Variants in KCNN3 observed in about 807,000 individuals in gnomAD.
KCNN3 encodes small conductance calcium-activated potassium channel protein 3.
KCNN3 carries 16 observed loss-of-function variants against 62.9 expected under a neutral mutation model. The observed-to-expected ratio is 0.25, with a 90% confidence interval of 0.17 to 0.39. KCNN3 has a LOEUF of 0.39. Among genes scored for constraint, KCNN3 ranks in the 10% least tolerant of loss-of-function variants. KCNN3 has a pLI of 1.00. For synonymous variants in KCNN3, 370 were observed against 389.2 expected, an observed-to-expected ratio of 0.95 and a Z score of 0.58; for missense variants, 599 against 949.4, an observed-to-expected ratio of 0.63 and a Z score of 4.85.
chr1:154,771,805 C>A, intron 3 of KCNN3, 170 bp downstream of exon 3: 1 of 728,216 alleles, frequency 1.4e-6, no homozygotes, highest in Non-Finnish European at 2.4e-6. Context: ...GCAATTCTAG[C>A]TCATACTGAA....
chr1:154,712,649 A>C (rs1207320150), intron 7 of KCNN3, among the ~76,000 whole-genome samples: 1 of 152,224 alleles, frequency 6.6e-6, no homozygotes, highest in Non-Finnish European at 1.5e-5. Context: ...ATGTTCTGCC[A>C]GCCTGGCCCT....
chr1:154,771,215 G>A (rs1408437426), intron 3 of KCNN3, among the ~76,000 whole-genome samples: 1 of 152,166 alleles, frequency 6.6e-6, no homozygotes, highest in Non-Finnish European at 1.5e-5. Flanking sequence ...GTTGATGGCT[G>A]TTCCAAGGAG....
chr1:154,806,102 A>C (rs1650162444), intron 2 of KCNN3, among the ~76,000 whole-genome samples: 1 of 152,226 alleles, frequency 6.6e-6, no homozygotes, highest in South Asian at 2.1e-4. Context: ...CATGAGAAAC[A>C]ACAGGAAATG....
At chr1:154,841,117 G>T (rs1251068711) in intron 1 of KCNN3, among the ~76,000 whole-genome samples, 1 of 152,214 alleles carries the variant, frequency 6.6e-6, no homozygotes, top group Non-Finnish European at 1.5e-5. Flanking sequence ...GCGCAAGGGA[G>T]GGTCTTTTCC....
intron 5 of KCNN3, among the ~76,000 whole-genome samples, chr1:154,725,092 G>A (rs1167006541): frequency 3.9e-5 from 6 of 152,110 alleles, no homozygotes; most frequent in Non-Finnish European, 7.4e-5. Context: ...TTGACCTCAT[G>A]CTCCGCCCGC....
chr1:154,726,948 A>G (rs894004905), intron 4 of KCNN3, among the ~76,000 whole-genome samples: 1 of 152,172 alleles, frequency 6.6e-6, no homozygotes, highest in Non-Finnish European at 1.5e-5. Context: ...TGCATACTTG[A>G]CTGTCTGGGA....
At position 154,847,204 on chromosome 1, in the gene KCNN3, AC is replaced by A. The variant is rs200709615; in HGVS notation, c.933+21827del. On this transcript the variant is annotated intron_variant, in intron 1 of 7. Transcript: ENST00000271915. Reference sequence around the variant, plus strand: ...CTCATCTCCTGGAACCCTCCTCACTACCCCCCCCTGCCCTCGGGGAGCCTGC... The same window carrying A: ...CTCATCTCCTGGAACCCTCCTCACTACCCCCCCTGCCCTCGGGGAGCCTGC... 7.3e-4 allele frequency among the ~76,000 whole-genome samples: 102 copies of A among 139,558 alleles called. 1 individual carries two copies. In the South Asian group the frequency reaches 7.9e-3, roughly 11 times the overall value. 91.6% of individuals were successfully genotyped at this position (139,558 alleles called of 152,430 possible).
intron 1 of KCNN3, among the ~76,000 whole-genome samples, chr1:154,868,680 G>A (rs938269654): frequency 6.6e-6 from 1 of 152,108 alleles, no homozygotes; most frequent in African/African-American, 2.4e-5. Flanking sequence ...AGGAGGAAAA[G>A]CGATTTCTCA....
chr1:154,744,775 T>C (rs1396344510), intron 3 of KCNN3, among the ~76,000 whole-genome samples: 1 of 152,176 alleles, frequency 6.6e-6, no homozygotes, highest in Non-Finnish European at 1.5e-5. Flanking sequence ...CTTAAGGGTA[T>C]TATGAGTTCC....
intron 3 of KCNN3, among the ~76,000 whole-genome samples, chr1:154,755,478 A>G (rs1378580383): frequency 1.0e-4 from 14 of 139,860 alleles, no homozygotes. Context: ...AAAGGAAGAA[A>G]GGAAGGAAGA....
intron 2 of KCNN3, among the ~76,000 whole-genome samples, chr1:154,789,937 G>A (rs1383545076): frequency 6.6e-6 from 1 of 151,948 alleles, no homozygotes; most frequent in Non-Finnish European, 1.5e-5. Flanking sequence ...ACAGAGTCTC[G>A]CTCTGTCGCC....
At chr1:154,838,649 T>A in intron 1 of KCNN3, among the ~76,000 whole-genome samples, 1 of 152,178 alleles carries the variant, frequency 6.6e-6, no homozygotes, top group East Asian at 1.9e-4. Context: ...GGCTCCGTTC[T>A]CGCCACTCCC....
At chr1:154,735,611 C>A (rs780963373) in intron 3 of KCNN3, among the ~76,000 whole-genome samples, 10 of 152,142 alleles carry the variant, frequency 6.6e-5, no homozygotes, top group Non-Finnish European at 1.3e-4. Flanking sequence ...AGGCTGGTGG[C>A]TCCCAACTCT....
At chr1:154,711,865 C>T (rs776848526) in intron 7 of KCNN3, among the ~76,000 whole-genome samples, 11 of 151,302 alleles carry the variant, frequency 7.3e-5, no homozygotes, top group South Asian at 2.1e-4. Flanking sequence ...CAGTCTGTCG[C>T]GGGGACAGGA....
intron 3 of KCNN3, among the ~76,000 whole-genome samples, chr1:154,760,138 G>A (rs1025649859): frequency 6.6e-6 from 1 of 151,782 alleles, no homozygotes; most frequent in Non-Finnish European, 1.5e-5. Flanking sequence ...TCAGTCTCCC[G>A]AGTAGCTGGG....
intron 5 of KCNN3, 77 bp downstream of exon 5, chr1:154,725,839 G>T: frequency 9.1e-7 from 1 of 1,092,924 alleles, no homozygotes. Context: ...CACTGCACCC[G>T]TTGGACCATT....
intron 1 of KCNN3, among the ~76,000 whole-genome samples, chr1:154,822,443 C>T (rs942322567): frequency 2.0e-5 from 3 of 152,166 alleles, no homozygotes; most frequent in African/African-American, 7.2e-5. Flanking sequence ...CTGGGATGAA[C>T]GCTACTTGGG....
At chr1:154,835,237 C>G (rs1651539912) in intron 1 of KCNN3, among the ~76,000 whole-genome samples, 1 of 152,138 alleles carries the variant, frequency 6.6e-6, no homozygotes, top group Non-Finnish European at 1.5e-5. Context: ...TCGGGTTTAC[C>G]CAGGAGAGTC....
chr1:154,718,042 C>T (rs1700267222), intron 5 of KCNN3, among the ~76,000 whole-genome samples: 1 of 152,100 alleles, frequency 6.6e-6, no homozygotes, highest in African/African-American at 2.4e-5. Flanking sequence ...CCTGACCTCT[C>T]CTGGTGGGCA....
Sources: allele counts gnomAD v4.1 joint callset (sites outside exome capture counted in the v4.1 genomes callset), GRCh38; gene constraint gnomAD v4.1.1; transcripts MANE v1.5; gene names NCBI Gene and HGNC (gene_info 2026-07-23, HGNC 2026-07-21).